The following MTA2 variants were observed in gnomAD, a reference collection of about 807,000 sequenced individuals.
MTA2 encodes the protein metastasis-associated protein MTA2.
MTA2 carries 22 observed loss-of-function variants against 87.1 expected under a neutral mutation model. The ratio of observed to expected loss-of-function variants is 0.25; its 90% CI spans 0.18 to 0.36. The LOEUF (loss-of-function observed/expected upper bound fraction) is 0.36, where lower values mean the gene tolerates loss of function less well. MTA2 is among the 10% of genes least tolerant of loss of function. MTA2 has a pLI of 1.00. For missense variants in MTA2, 542 were observed against 853.2 expected (o/e 0.64, Z 4.54); for synonymous variants, 314 against 310.1 (o/e 1.01, Z -0.13).
At chr11:62,597,738 C>T in intron 6 of MTA2, 26 bp from the exon 7 acceptor site, 1 of 1,593,892 alleles carries the variant, frequency 6.3e-7, no homozygotes. Context: ...ATGGCATCAA[C>T]AGGGAGAGGG....
rs936053375 is a variant in MTA2 at position 62,601,661 on chromosome 11, C to T, written c.-211G>A. On this transcript the variant is annotated 5_prime_UTR_variant, in exon 1 of 18. Coordinates refer to ENST00000278823, the MANE Select transcript of MTA2 (RefSeq NM_004739.4). ...CGCAGCTATCGCCTCACTCCCGGGA[C>T]GCTGAGGCTGGCCCCCGTCCGCTCG... 5.9e-5 allele frequency: 33 copies of T among 560,976 alleles called. No homozygotes were observed. The highest frequency in any genetic ancestry group is 8.2e-5 in the Non-Finnish European group (27 of 329,150). 34.7% of individuals were successfully genotyped at this position (560,976 alleles called of 1,614,324 possible). A position where few individuals can be genotyped will look rare whatever the true frequency, so the allele number is the denominator to read the frequency against.
In MTA2 at chr11:62,601,677, C is replaced by A; in HGVS notation, c.-227G>T. The A allele has an allele frequency of 7.4e-6, 4 of 540,692 alleles. No homozygotes were observed. The South Asian group carries it at 7.4e-5, about 10-fold the overall frequency. 33.5% of individuals were successfully genotyped at this position (540,692 alleles called of 1,614,324 possible). A position where few individuals can be genotyped will look rare whatever the true frequency, so the allele number is the denominator to read the frequency against. ...CTCCCGGGACGCTGAGGCTGGCCCC[C>A]GTCCGCTCGGCTTCTTCCGGAACGA... On this transcript the variant is annotated 5_prime_UTR_variant, in exon 1 of 18. Coordinates refer to ENST00000278823, the MANE Select transcript of MTA2 (RefSeq NM_004739.4).
Position 62,595,536 on chromosome 11 carries a change from T to C in MTA2, c.1255-44A>G. The C allele has an allele frequency of 6.3e-7, 1 of 1,598,762 alleles. No individual in the cohort carries two copies. Among genetic ancestry groups the C allele is most frequent in the Admixed American group, 1.7e-5 (1 of 59,274 alleles). ...AAAGAGAGAGAGCAGAAATCAGCAC[T>C]GAGGCTCCCTTCTTTCTTCCATTCC... On this transcript the variant is annotated intron_variant, in intron 13 of 17. Transcript: ENST00000278823. This position sits in a 1 kb window ranked among gnomAD's most constrained non-coding sequence, Gnocchi z 4.9.
chr11:62,601,532 C>G lies in MTA2; in HGVS notation c.-82G>C. 6.6e-7 allele frequency: 1 copy of G among 1,506,740 alleles called. No individual in the cohort carries two copies. The highest frequency in any genetic ancestry group is 8.9e-7 in the Non-Finnish European group (1 of 1,121,008). The allele number at this position is 1,506,740 out of a possible 1,614,324, so 93.3% of individuals were successfully genotyped here. ...CAGGGCTCGGCTCGAGGCAAAGCCC[C>G]GAACGGTGGGCTGCCGCTTCGAGGG... On this transcript the variant is annotated 5_prime_UTR_variant, in exon 1 of 18. Transcript: ENST00000278823.
rs765505750 is a variant in MTA2 at position 62,601,456 on chromosome 11, T to C, written c.-6A>G. ...CGGTACATGTTGGCCGCCATGGCCGTTCCCGCCGCCGCCTCCGGCCGCACA... is the reference window on the plus strand; with the variant it reads ...CGGTACATGTTGGCCGCCATGGCCGCTCCCGCCGCCGCCTCCGGCCGCACA... On this transcript the variant is annotated 5_prime_UTR_variant, in exon 1 of 18. Transcript: ENST00000278823. 6.2e-6 allele frequency: 10 copies of C among 1,609,236 alleles called. No individual in the cohort carries two copies. The Admixed American group carries it at 6.7e-5, about 11-fold the overall frequency.
In MTA2 at chr11:62,593,587, T is replaced by TC; in HGVS notation, c.*287dup. ...AAATTTTTAAAAAATTAAAAAACCCTCCCCCCAAAACTGTCCAAGACATCT... is the reference window on the plus strand; with the variant it reads ...AAATTTTTAAAAAATTAAAAAACCCTCCCCCCCAAAACTGTCCAAGACATCT... On this transcript the variant is annotated 3_prime_UTR_variant, in exon 18 of 18. Coordinates refer to ENST00000278823, the MANE Select transcript of MTA2 (RefSeq NM_004739.4). 1 of 252,574 alleles carries TC rather than the reference T, an allele frequency of 4.0e-6. No individual in the cohort carries two copies. The highest frequency in any genetic ancestry group is 7.4e-6 in the Non-Finnish European group (1 of 135,752). 15.6% of individuals were successfully genotyped at this position (252,574 alleles called of 1,614,324 possible).
At chr11:62,600,363 A>T in intron 2 of MTA2, 104 bp from the exon 3 acceptor site, 1 of 1,054,236 alleles carries the variant, frequency 9.5e-7, no homozygotes, top group Non-Finnish European at 1.4e-6. Context: ...TTTCAGAGGG[A>T]CCTAAATTAA....
Position 62,593,745 on chromosome 11 carries a change from G to A in MTA2, c.*130C>T. On this transcript the variant is annotated 3_prime_UTR_variant, in exon 18 of 18. Coordinates refer to ENST00000278823, the MANE Select transcript of MTA2 (RefSeq NM_004739.4). ...CACCAGAGGGCGCCCAACCCCTCCA[G>A]GGACACACACTCACTTGCTCTCTTC... is the stretch of plus-strand genomic sequence containing the variant. 2.5e-6 allele frequency: 3 copies of A among 1,210,690 alleles called. No individual in the cohort carries two copies. Among genetic ancestry groups the A allele is most frequent in the Non-Finnish European group, 3.5e-6 (3 of 868,844 alleles). 75.0% of individuals were successfully genotyped at this position (1,210,690 alleles called of 1,614,324 possible). A position where few individuals can be genotyped will look rare whatever the true frequency, so the allele number is the denominator to read the frequency against.
rs746102835 is a variant in MTA2, at chr11:62,600,157, G to A, written c.190+9C>T. 3 of 1,611,206 alleles carry A rather than the reference G, an allele frequency of 1.9e-6. No individual in the cohort carries two copies. In the African/African-American group the frequency reaches 4.0e-5, roughly 22 times the overall value. On this transcript the variant is annotated intron_variant, in intron 3 of 17. Transcript: ENST00000278823. ...GGTAGGAGAAAAAGAAAGGGAGGAA[G>A]ATACTCACTGGCATTACTATCAGCC...
chr11:62,595,911 G>T lies in MTA2; in HGVS notation c.1115-20C>A. The T allele has an allele frequency of 6.2e-7, 1 of 1,614,054 alleles. No individual in the cohort carries two copies. ...GTGTGGCTGTAGAGTACGGAGAGGA[G>T]GGGGACAGGGAAGAAGCATACTACC... On this transcript the variant is annotated intron_variant, in intron 12 of 17. Coordinates refer to ENST00000278823, the MANE Select transcript of MTA2 (RefSeq NM_004739.4). This position sits in a 1 kb window ranked among gnomAD's most constrained non-coding sequence, Gnocchi z 4.9.
chr11:62,596,845 C>G lies in MTA2; in HGVS notation c.694-20G>C. The stretch of plus-strand genomic sequence containing the variant: ...GTGAAACTATGGGGAAGATGGAGAG[C>G]AACTGAGGACCTGAAACTTTTGGCA... On this transcript the variant is annotated intron_variant, in intron 8 of 17. Transcript: ENST00000278823. 1 of 1,579,502 alleles carries G rather than the reference C, an allele frequency of 6.3e-7. No homozygotes were observed. The highest frequency in any genetic ancestry group is 1.2e-5 in the South Asian group (1 of 85,152).
In MTA2 at chr11:62,601,265, C is replaced by A. The variant is rs984288138; in HGVS notation, c.28+158G>T. 53 of 946,154 alleles carry A rather than the reference C, an allele frequency of 5.6e-5. 1 individual carries two copies. The East Asian group carries it at 1.5e-3, about 28-fold the overall frequency. 58.6% of individuals were successfully genotyped at this position (946,154 alleles called of 1,614,324 possible). Reference sequence around the variant, plus strand: ...GGAGCCCTGCCGCGTCGCGGTTCCCCGCACCCTCTCTCCTCGTCTCCCGGT... The same window carrying A: ...GGAGCCCTGCCGCGTCGCGGTTCCCAGCACCCTCTCTCCTCGTCTCCCGGT... On this transcript the variant is annotated intron_variant, in intron 1 of 17. Transcript: ENST00000278823.
rs754305219 is a variant in MTA2, at chr11:62,596,353, A to C, written c.958-16T>G. On this transcript the variant is annotated splice_polypyrimidine_tract_variant and intron_variant, in intron 10 of 17. Transcript: ENST00000278823. ...TCAACCTTTTCTGTAAGAAGGTAAA[A>C]AGAAAGAGAAGGATCAGAGCCTCAT... The C allele has an allele frequency of 5.6e-6, 9 of 1,613,366 alleles. No homozygotes were observed. Among genetic ancestry groups the C allele is most frequent in the Middle Eastern group, 1.6e-4 (1 of 6,062 alleles).
At chr11:62,601,391 C>G in intron 1 of MTA2, 32 bp downstream of exon 1, 1 of 1,608,884 alleles carries the variant, frequency 6.2e-7, no homozygotes, top group South Asian at 1.1e-5. Flanking sequence ...CTCTCCCGCC[C>G]CGGGCCCCGT....
chr11:62,600,840 A>G (rs1565046616), intron 1 of MTA2, 151 bp from the exon 2 acceptor site: 1 of 631,648 alleles, frequency 1.6e-6, no homozygotes, highest in African/African-American at 1.8e-5. Context: ...TGGACAGACT[A>G]AGAGAAAATA....
rs1942102232 is a variant in MTA2 at position 62,596,626 on chromosome 11, C to A, written c.882+11G>T. 6.2e-7 allele frequency: 1 copy of A among 1,611,506 alleles called. No individual in the cohort carries two copies. The highest frequency in any genetic ancestry group is 1.3e-5 in the African/African-American group (1 of 74,890). On this transcript the variant is annotated intron_variant, in intron 9 of 17. Transcript: ENST00000278823. ...TCTCTCCCACTTCTCCTCCTAGTGC[C>A]ATCCACTTACAAAATCCTGGCGAAT... is the stretch of plus-strand genomic sequence containing the variant.
rs557751449 is a variant in MTA2, at chr11:62,597,209, A to AC, written c.693+106_693+107insG. On this transcript the variant is annotated intron_variant, in intron 8 of 17. Coordinates refer to ENST00000278823, the MANE Select transcript of MTA2 (RefSeq NM_004739.4). ...TCTCAAAACAAAACAAAACAAACAA[A>AC]AAAAAAACACTCCCACTCCCTCAGA... 1.2e-3 allele frequency: 954 copies of AC among 787,244 alleles called. 4 individuals carry two copies. Among genetic ancestry groups the AC allele is most frequent in the African/African-American group, 2.8e-3 (155 of 55,756 alleles). 48.8% of individuals were successfully genotyped at this position (787,244 alleles called of 1,614,324 possible).
intron 5 of MTA2, 61 bp from the exon 6 acceptor site, chr11:62,598,202 G>A (rs777559599): frequency 1.9e-6 from 3 of 1,570,958 alleles, no homozygotes; most frequent in South Asian, 1.1e-5. Context: ...CGGGGAGGGA[G>A]GTGTATCTGA....
intron 5 of MTA2, 31 bp from the exon 6 acceptor site, chr11:62,598,172 G>T: frequency 1.2e-6 from 2 of 1,608,004 alleles, no homozygotes; most frequent in Non-Finnish European, 1.7e-6. Context: ...GGTAAGCAAG[G>T]CAGCAATCCA....
Sources: allele counts gnomAD v4.1 joint callset, GRCh38; gene constraint gnomAD v4.1.1; non-coding constraint Gnocchi (gnomAD v3.1); transcripts MANE v1.5; gene names NCBI Gene and HGNC (gene_info 2026-07-23, HGNC 2026-07-21).